The following TSPAN33 variants were observed in gnomAD, a reference collection of about 807,000 sequenced individuals.
TSPAN33 encodes tetraspanin 33, also known as tetraspanin-33.
In TSPAN33, 27 loss-of-function variants were observed where a neutral mutation model predicts 34.8. That is an observed-to-expected ratio of 0.78 (90% confidence interval 0.57 to 1.07). The LOEUF is 1.07. TSPAN33 is among the 50% of genes least tolerant of loss of function. The pLI, the probability that TSPAN33 is intolerant of heterozygous loss-of-function variation, is 0.00. For synonymous variants in TSPAN33, 119 were observed against 124.2 expected (o/e 0.96, Z 0.28); for missense variants, 272 against 324.9 (o/e 0.84, Z 1.25).
At chr7:129,146,537 TG>T (rs1230345747) in intron 1 of TSPAN33, among the ~76,000 whole-genome samples, 1 of 152,190 alleles carries the variant, frequency 6.6e-6, no homozygotes, top group Non-Finnish European at 1.5e-5. Flanking sequence ...ACAGTGCCGC[TG>T]GGGGAAGTCC....
chr7:129,149,385 C>T (rs1247121306), intron 1 of TSPAN33, among the ~76,000 whole-genome samples: 1 of 152,142 alleles, frequency 6.6e-6, no homozygotes, highest in Non-Finnish European at 1.5e-5. Flanking sequence ...TGGTGAAACC[C>T]CATCTCTACT....
intron 2 of TSPAN33, 142 bp from the exon 3 acceptor site, chr7:129,162,252 A>T: frequency 8.0e-7 from 1 of 1,252,870 alleles, no homozygotes; most frequent in Non-Finnish European, 1.1e-6. Flanking sequence ...GGACAGGGGT[A>T]CTGCCTCCCC....
rs1793162374 is a variant in TSPAN33, at chr7:129,167,628, A to T, written c.750+68A>T. 1 of 1,585,374 alleles carries T rather than the reference A, an allele frequency of 6.3e-7. No individual in the cohort carries two copies. The highest frequency in any genetic ancestry group is 8.6e-7 in the Non-Finnish European group (1 of 1,160,770). ...AAGACTCCTTTGTTTTGGGGAAGGC[A>T]CCTGGGGATCAGCGAGGGTGTCAGG... On this transcript the variant is annotated intron_variant, in intron 7 of 7. Transcript: ENST00000486685. This position sits in a 1 kb window ranked among gnomAD's most constrained non-coding sequence, Gnocchi z 4.6.
intron 1 of TSPAN33, among the ~76,000 whole-genome samples, chr7:129,151,293 A>AT (rs914180362): frequency 6.6e-6 from 1 of 150,856 alleles, no homozygotes; most frequent in African/African-American, 2.4e-5. Flanking sequence ...TGCCCAGCTA[A>AT]TTTTTTTTTA....
At position 129,163,068 on chromosome 7, in the gene TSPAN33, T is replaced by C. The variant is rs11978699; in HGVS notation, c.363+161T>C. Among the ~76,000 whole-genome samples, 675 of 152,336 alleles carry C rather than the reference T, an allele frequency of 4.4e-3. 7 individuals are homozygous for C. Among genetic ancestry groups the C allele is most frequent in the African/African-American group, 0.016 (647 of 41,568 alleles). On this transcript the variant is annotated intron_variant, in intron 4 of 7. Transcript: ENST00000486685. ...GGTGAATGAATAGCCTGTAAACTCA[T>C]CATATTTGAAGAGAATTTTAAGATC...
At chr7:129,150,804 T>C (rs1246130461) in intron 1 of TSPAN33, among the ~76,000 whole-genome samples, 1 of 151,786 alleles carries the variant, frequency 6.6e-6, no homozygotes, top group African/African-American at 2.4e-5. Context: ...GGCTGAGCGC[T>C]CCTCCAGGGA....
chr7:129,147,398 T>C (rs1810535742), intron 1 of TSPAN33, among the ~76,000 whole-genome samples: 1 of 152,212 alleles, frequency 6.6e-6, no homozygotes, highest in Non-Finnish European at 1.5e-5. Context: ...CCCTGTGTCC[T>C]GATTGCCCTT....
At chr7:129,149,548 C>T (rs1018552375) in intron 1 of TSPAN33, among the ~76,000 whole-genome samples, 3 of 151,852 alleles carry the variant, frequency 2.0e-5, no homozygotes, top group Non-Finnish European at 2.9e-5. Flanking sequence ...AGTGAAACTC[C>T]GTCTCAAAAA....
chr7:129,149,324 G>A (rs1810561996), intron 1 of TSPAN33, among the ~76,000 whole-genome samples: 3 of 152,282 alleles, frequency 2.0e-5, no homozygotes, highest in Admixed American at 1.3e-4. Flanking sequence ...TTGGGAGGCC[G>A]GGGCAGGTGG....
At chr7:129,154,592 T>G (rs1810642880) in intron 1 of TSPAN33, among the ~76,000 whole-genome samples, 1 of 151,860 alleles carries the variant, frequency 6.6e-6, no homozygotes, top group Non-Finnish European at 1.5e-5. Flanking sequence ...AAATACAAAA[T>G]TAGCCGGGTG....
chr7:129,159,988 A>G (rs1419497103), intron 1 of TSPAN33, among the ~76,000 whole-genome samples: 1 of 152,172 alleles, frequency 6.6e-6, no homozygotes, highest in Non-Finnish European at 1.5e-5. Context: ...GGCTGAAATG[A>G]GCTATTATCA....
At chr7:129,151,087 C>T (rs932390871) in intron 1 of TSPAN33, among the ~76,000 whole-genome samples, 4 of 152,024 alleles carry the variant, frequency 2.6e-5, no homozygotes, top group African/African-American at 9.7e-5. Flanking sequence ...CTTGTCACAC[C>T]ACCTTGGCCT....
rs1468217125 is a variant in TSPAN33, at chr7:129,158,126, TC to T, written c.103-3551del. On this transcript the variant is annotated intron_variant, in intron 1 of 7. Transcript: ENST00000486685. ...TCCAGCCTCTGCCTCCATCACCGTC[TC>T]CTTCTCTGACTCTGGCCCTCTTGCC... 5.9e-5 allele frequency among the ~76,000 whole-genome samples: 9 copies of T among 152,222 alleles called. 1 individual carries two copies. The highest frequency in any genetic ancestry group is 8.8e-5 in the Non-Finnish European group (6 of 68,024).
At chr7:129,147,208 A>G (rs1052961041) in intron 1 of TSPAN33, among the ~76,000 whole-genome samples, 20 of 152,182 alleles carry the variant, frequency 1.3e-4, no homozygotes, top group African/African-American at 2.4e-4. Context: ...GAGGCTCAGC[A>G]TCTTTTTGGC....
At chr7:129,159,276 G>C (rs1793015578) in intron 1 of TSPAN33, among the ~76,000 whole-genome samples, 1 of 152,174 alleles carries the variant, frequency 6.6e-6, no homozygotes, top group South Asian at 2.1e-4. Context: ...GGCCAGGCTG[G>C]TCCCAAACTC....
intron 1 of TSPAN33, among the ~76,000 whole-genome samples, chr7:129,161,007 G>T (rs934533065): frequency 6.6e-6 from 1 of 152,214 alleles, no homozygotes; most frequent in African/African-American, 2.4e-5. Flanking sequence ...TACAGAAACT[G>T]AGGCTCAGAA....
At chr7:129,164,295 C>G (rs537659431) in intron 4 of TSPAN33, among the ~76,000 whole-genome samples, 179 bp from the exon 5 acceptor site, 18 of 152,238 alleles carry the variant, frequency 1.2e-4, no homozygotes, top group Admixed American at 1.0e-3. Flanking sequence ...CCACTGGTAC[C>G]TGAGGGCCCT....
At chr7:129,157,567 G>C (rs1449687016) in intron 1 of TSPAN33, among the ~76,000 whole-genome samples, 1 of 152,096 alleles carries the variant, frequency 6.6e-6, no homozygotes, top group Non-Finnish European at 1.5e-5. Context: ...CTCAAGCTTG[G>C]CTGCACATTG....
Position 129,168,488 on chromosome 7 carries a change from C to G in TSPAN33, c.*614C>G, listed in dbSNP as rs1176662825. 6.5e-6 allele frequency: 1 copy of G among 153,226 alleles called. No individual in the cohort carries two copies. The highest frequency in any genetic ancestry group is 2.4e-5 in the African/African-American group (1 of 41,458). 9.5% of individuals were successfully genotyped at this position (153,226 alleles called of 1,614,324 possible). On this transcript the variant is annotated 3_prime_UTR_variant, in exon 8 of 8. Coordinates refer to ENST00000486685, the MANE Select transcript of TSPAN33 (RefSeq NM_178562.5). Reference sequence around the variant, plus strand: ...GTAGTCAGAGTGAGCTACATCCTGCCCCGCCTTCATTTCCATGGAAACATG... The same window carrying G: ...GTAGTCAGAGTGAGCTACATCCTGCGCCGCCTTCATTTCCATGGAAACATG...
Sources: allele counts gnomAD v4.1 joint callset (sites outside exome capture counted in the v4.1 genomes callset), GRCh38; gene constraint gnomAD v4.1.1; non-coding constraint Gnocchi (gnomAD v3.1); transcripts MANE v1.5; gene names NCBI Gene and HGNC (gene_info 2026-07-23, HGNC 2026-07-21).